BRD4: variants seen among roughly 807,000 people sequenced by gnomAD.
BRD4 encodes bromodomain-containing protein 4.
In BRD4, 16 loss-of-function variants were observed where a neutral mutation model predicts 142.1. The ratio of observed to expected loss-of-function variants is 0.11; its 90% CI spans 0.08 to 0.17. The LOEUF is 0.17. Ranked by LOEUF, BRD4 falls within the 10% of genes least tolerant of loss-of-function variation. BRD4 has a pLI of 1.00. For missense variants in BRD4, 1,424 were observed against 1,810.9 expected, an observed-to-expected ratio of 0.79 and a Z score of 3.88; for synonymous variants, 833 against 707.5, an observed-to-expected ratio of 1.18 and a Z score of -2.82.
chr19:15,326,986 C>T (rs2048113637), intron 1 of BRD4, among the ~76,000 whole-genome samples: 1 of 152,132 alleles, frequency 6.6e-6, no homozygotes, highest in Non-Finnish European at 1.5e-5. Context: ...GTTCTGTAAC[C>T]ATGCACAATG....
intron 13 of BRD4, 56 bp from the exon 14 acceptor site, chr19:15,243,543 G>C (rs2047258335): frequency 6.7e-7 from 1 of 1,487,904 alleles, no homozygotes; most frequent in Non-Finnish European, 8.9e-7. Context: ...CCCCAGCCTG[G>C]CCTTTCTGCT....
intron 11 of BRD4, chr19:15,247,291 A>C: frequency 4.3e-6 from 1 of 229,946 alleles, no homozygotes; most frequent in Non-Finnish European, 8.6e-6. Context: ...CTCAGGACCC[A>C]CAGCCAGCTG....
chr19:15,266,177 C>T (rs989097204), intron 4 of BRD4, among the ~76,000 whole-genome samples: 3 of 152,156 alleles, frequency 2.0e-5, no homozygotes, highest in East Asian at 3.8e-4. Flanking sequence ...GCAGGCAGTC[C>T]GAACACACAA....
At chr19:15,253,448 G>A (rs199897694) in intron 11 of BRD4, 1 of 1,117,964 alleles carries the variant, frequency 8.9e-7, no homozygotes. Flanking sequence ...GCTCTAATGG[G>A]GAACCCAGGG....
At chr19:15,277,203 T>G (rs1365804384) in intron 1 of BRD4, among the ~76,000 whole-genome samples, 1 of 152,182 alleles carries the variant, frequency 6.6e-6, no homozygotes, top group Non-Finnish European at 1.5e-5. Flanking sequence ...GCTTATTGTT[T>G]CCAATCCAAA....
rs2047912874 is a variant in BRD4, at chr19:15,306,269, TA to T, written c.-35+26020del. On this transcript the variant is annotated intron_variant, in intron 1 of 19. Transcript: ENST00000679869. ...CTAGCTTTTGGCTTTCAAAATATGTTATTGGCCTTTTAGCGTTGTTAAAGGG... is the reference window on the plus strand; with the variant it reads ...CTAGCTTTTGGCTTTCAAAATATGTTTTGGCCTTTTAGCGTTGTTAAAGGG... Among the ~76,000 whole-genome samples the T allele has an allele frequency of 2.0e-5, 3 of 152,326 alleles. No individual in the cohort carries two copies. The East Asian group carries it at 5.8e-4, about 29-fold the overall frequency.
rs756493135 is a variant in BRD4, at chr19:15,264,691, G to A, written c.925C>T (p.Leu309=). ...TTGGTGGTCTTGGGCTCCGGGGGCA[G>A]CGAGGGTGGCTCGTGAATGGGGTCA... ...TIDPIHEPPS[L]PPEPKTTKLG... Residue 309 remains leucine (L), a synonymous_variant, in exon 6 of 20, where the codon CTG becomes TTG. Coordinates refer to ENST00000679869, the MANE Select transcript of BRD4 (RefSeq NM_001379291.1). 6.2e-7 allele frequency: 1 copy of A among 1,613,390 alleles called. No individual in the cohort carries two copies. Among genetic ancestry groups the A allele is most frequent in the South Asian group, 1.1e-5 (1 of 91,020 alleles).
At chr19:15,301,509 C>T (rs565412637) in intron 1 of BRD4, among the ~76,000 whole-genome samples, 2 of 150,482 alleles carry the variant, frequency 1.3e-5, no homozygotes, top group South Asian at 4.2e-4. Flanking sequence ...TGCAGTGAGC[C>T]GAGATCGCAC....
intron 1 of BRD4, among the ~76,000 whole-genome samples, chr19:15,317,022 A>G (rs1363209780): frequency 1.3e-5 from 2 of 152,216 alleles, no homozygotes; most frequent in African/African-American, 4.8e-5. Flanking sequence ...ACTACGTATC[A>G]TCCAAACCAT....
intron 1 of BRD4, among the ~76,000 whole-genome samples, chr19:15,327,918 T>TGGC (rs1555748784): frequency 1.7e-4 from 3 of 17,850 alleles, no homozygotes; most frequent in Admixed American, 1.0e-3. Flanking sequence ...GGATTTCTTT[T>TGGC]GGGGGGGGGG....
chr19:15,266,333 T>C (rs1249816558), intron 4 of BRD4, among the ~76,000 whole-genome samples: 3 of 152,120 alleles, frequency 2.0e-5, no homozygotes, highest in African/African-American at 7.2e-5. Flanking sequence ...GCCATGAAAA[T>C]GGACAAAGAC....
chr19:15,273,209 G>T, intron 1 of BRD4, 76 bp from the exon 2 acceptor site: 1 of 1,420,556 alleles, frequency 7.0e-7, no homozygotes, highest in Non-Finnish European at 9.4e-7. Flanking sequence ...AGTCCCTCTG[G>T]CTGTGGTCTC....
intron 1 of BRD4, among the ~76,000 whole-genome samples, chr19:15,316,617 AAATAGAAGTGAAACCAAATC>A (rs2048020698): frequency 6.6e-6 from 1 of 152,156 alleles, no homozygotes; most frequent in African/African-American, 2.4e-5. Context: ...GAAAAAGAAA[AAATAGAAGTGAAACCAAATC>A]AAGGCAACTT....
chr19:15,240,007 G>T lies in BRD4; in HGVS notation c.3185C>A (p.Ala1062Asp). 1.2e-6 allele frequency: 2 copies of T among 1,611,342 alleles called. No homozygotes were observed. Among genetic ancestry groups the T allele is most frequent in the Non-Finnish European group, 1.7e-6 (2 of 1,178,770 alleles). Residue 1062 changes from alanine to aspartate, a missense_variant, in exon 15 of 20, where the codon GCC becomes GAC. Around this residue, in one of 16 missense-constraint regions of BRD4, gnomAD observed 598 missense variants for 647.8 expected, o/e 0.92. Transcript: ENST00000679869. Reference sequence around the variant, plus strand: ...GGAATGTATCATAAGCGGGGAGGGGGCTTCGCGGAGGTGACCTAGGAGAAG... The same window carrying T: ...GGAATGTATCATAAGCGGGGAGGGGTCTTCGCGGAGGTGACCTAGGAGAAG... ...DPYSTGHLRE[A>D]PSPLMIHSPQ... is the part of the protein sequence containing the mutation.
chr19:15,303,074 T>C (rs1365899084), intron 1 of BRD4, among the ~76,000 whole-genome samples: 2 of 151,438 alleles, frequency 1.3e-5, no homozygotes, highest in African/African-American at 2.4e-5. Flanking sequence ...CATGGTTCTG[T>C]GACTTGTGCT....
chr19:15,319,707 G>T (rs147065867), intron 1 of BRD4, among the ~76,000 whole-genome samples: 1 of 152,112 alleles, frequency 6.6e-6, no homozygotes, highest in Admixed American at 6.6e-5. Context: ...CTAAGCAGAT[G>T]AACTGCTTAA....
Position 15,248,765 on chromosome 19 carries a change from C to G in BRD4, c.2159-4003G>C, listed in dbSNP as rs141188393. 5.0e-4 allele frequency: 117 copies of G among 233,156 alleles called. 1 individual carries two copies. Among genetic ancestry groups the G allele is most frequent in the African/African-American group, 2.4e-3 (110 of 45,194 alleles). The allele number at this position is 233,156 out of a possible 1,614,324, so 14.4% of individuals were successfully genotyped here. A position where few individuals can be genotyped will look rare whatever the true frequency, so the allele number is the denominator to read the frequency against. On this transcript the variant is annotated intron_variant, in intron 11 of 19. Coordinates refer to ENST00000679869, the MANE Select transcript of BRD4 (RefSeq NM_001379291.1). ...TGCCTCTAAAGCTCCCACTCCTTATCTAGGACAGCTCTAGAGGTCAGAGTG... is the reference window on the plus strand; with the variant it reads ...TGCCTCTAAAGCTCCCACTCCTTATGTAGGACAGCTCTAGAGGTCAGAGTG...
At chr19:15,255,820 T>A (rs771536560) in intron 9 of BRD4, among the ~76,000 whole-genome samples, 22 of 152,176 alleles carry the variant, frequency 1.4e-4, no homozygotes, top group Non-Finnish European at 3.1e-4. Flanking sequence ...TACAGCCCCA[T>A]CCTTGCCGCC....
At chr19:15,267,373 G>T (rs773954300) in intron 4 of BRD4, 43 bp downstream of exon 4, 5 of 1,605,848 alleles carry the variant, frequency 3.1e-6, no homozygotes, top group Middle Eastern at 1.7e-4. Flanking sequence ...AAGGGACAAA[G>T]GTCGGGGAGA....
Sources: allele counts gnomAD v4.1 joint callset (sites outside exome capture counted in the v4.1 genomes callset), GRCh38; gene constraint gnomAD v4.1.1; regional missense constraint gnomAD v4.1.1; transcripts MANE v1.5; gene names NCBI Gene and HGNC (gene_info 2026-07-23, HGNC 2026-07-21).